The following PAPPA variants were observed in gnomAD, a reference collection of about 807,000 sequenced individuals.
PAPPA encodes pappalysin-1.
PAPPA carries 60 observed loss-of-function variants against 164.0 expected under a neutral mutation model. That is an observed-to-expected ratio of 0.37 (90% CI 0.30 to 0.45). The LOEUF (loss-of-function observed/expected upper bound fraction) is 0.45, where lower values mean the gene tolerates loss of function less well. Ranked by LOEUF, PAPPA falls within the 20% of genes least tolerant of loss-of-function variation. The pLI, the probability that PAPPA is intolerant of heterozygous loss-of-function variation, is 1.00. For missense variants in PAPPA, 1,782 were observed against 2,087.3 expected (o/e 0.85, Z 2.85); for synonymous variants, 875 against 814.1 (o/e 1.07, Z -1.27).
intron 10 of PAPPA, among the ~76,000 whole-genome samples, chr9:116,321,219 G>A (rs190633311): frequency 6.6e-6 from 1 of 151,904 alleles, no homozygotes; most frequent in African/African-American, 2.4e-5. Context: ...AGTAGAGACA[G>A]GGTTTCACCG....
chr9:116,302,924 A>C lies in PAPPA; in HGVS notation c.3121A>C (p.Ile1041Leu). Reference protein sequence around the residue: ...HQDQQCPGWVIIGQPAASQVC... With the variant: ...HQDQQCPGWVLIGQPAASQVC... ...AGACCAGCAATGCCCAGGCTGGGTCATCATCGGACAGCCAGCAGCATCCCA... is the reference window on the plus strand; with the variant it reads ...AGACCAGCAATGCCCAGGCTGGGTCCTCATCGGACAGCCAGCAGCATCCCA... The change falls in exon 10 of 22, where the codon ATC becomes CTC. Residue 1041 changes from isoleucine to leucine, a missense_variant. Ile to Leu is a conservative substitution (Grantham distance 5). Coordinates refer to ENST00000328252, the MANE Select transcript of PAPPA (RefSeq NM_002581.5). 1.2e-6 allele frequency: 2 copies of C among 1,613,916 alleles called. No homozygotes were observed. The highest frequency in any genetic ancestry group is 1.7e-6 in the Non-Finnish European group (2 of 1,179,980).
At chr9:116,261,887 G>GTGTTTTGTTT (rs71300680) in intron 7 of PAPPA, among the ~76,000 whole-genome samples, 24,111 of 150,964 alleles carry the variant, frequency 0.16, 2,189 homozygotes, top group Middle Eastern at 0.29. Context: ...GTAGAAAAAA[G>GTGTTTTGTTT]TGTTTTGTTT....
At chr9:116,175,127 A>T (rs888001156) in intron 1 of PAPPA, among the ~76,000 whole-genome samples, 1 of 152,192 alleles carries the variant, frequency 6.6e-6, no homozygotes, top group Non-Finnish European at 1.5e-5. Context: ...AAACCTAATG[A>T]CCACTGATGT....
At chr9:116,361,362 T>C (rs1016685887) in intron 17 of PAPPA, among the ~76,000 whole-genome samples, 2 of 152,150 alleles carry the variant, frequency 1.3e-5, no homozygotes, top group Non-Finnish European at 2.9e-5. Context: ...TGATTCTCCA[T>C]TTCTGTTCGG....
In PAPPA at chr9:116,399,396, G is replaced by C. The variant is rs1250467934; in HGVS notation, c.*2780G>C. 6.6e-6 allele frequency: 1 copy of C among 152,610 alleles called. No individual in the cohort carries two copies. The highest frequency in any genetic ancestry group is 1.5e-5 in the Non-Finnish European group (1 of 68,044). 9.5% of individuals were successfully genotyped at this position (152,610 alleles called of 1,614,324 possible). A position where few individuals can be genotyped will look rare whatever the true frequency, so the allele number is the denominator to read the frequency against. The stretch of plus-strand genomic sequence containing the variant: ...AGGGTCTTTTCAAACCTTAGTGGAG[G>C]AGGGTCAGCTCAATTTGGGCAATGC... On this transcript the variant is annotated 3_prime_UTR_variant, in exon 22 of 22. Coordinates refer to ENST00000328252, the MANE Select transcript of PAPPA (RefSeq NM_002581.5).
intron 9 of PAPPA, among the ~76,000 whole-genome samples, chr9:116,289,271 C>CT (rs1845396277): frequency 8.4e-6 from 1 of 119,248 alleles, no homozygotes; most frequent in Non-Finnish European, 1.7e-5. Flanking sequence ...ATATATATAG[C>CT]ATATATATAG....
intron 9 of PAPPA, chr9:116,286,614 G>C (rs1344364542): frequency 6.6e-6 from 1 of 152,068 alleles, no homozygotes; most frequent in Non-Finnish European, 1.5e-5. Context: ...TGGGCCCAGC[G>C]TGTTCAATCA....
intron 7 of PAPPA, among the ~76,000 whole-genome samples, chr9:116,242,402 A>G (rs982291360): frequency 2.0e-5 from 3 of 152,360 alleles, no homozygotes; most frequent in Middle Eastern, 3.4e-3. Flanking sequence ...AGCATACTGC[A>G]TGTCAGAAGG....
intron 21 of PAPPA, among the ~76,000 whole-genome samples, chr9:116,384,524 A>C (rs1486352734): frequency 1.3e-5 from 2 of 152,158 alleles, no homozygotes; most frequent in African/African-American, 4.8e-5. Flanking sequence ...GTTGTTTATT[A>C]TATGGCTGTG....
At chr9:116,352,431 T>C (rs1488459631) in intron 15 of PAPPA, among the ~76,000 whole-genome samples, 1 of 152,206 alleles carries the variant, frequency 6.6e-6, no homozygotes, top group African/African-American at 2.4e-5. Context: ...GTGTCTTTTC[T>C]ATGCAGCAGA....
intron 2 of PAPPA, among the ~76,000 whole-genome samples, chr9:116,200,373 G>A (rs1844158160): frequency 6.6e-6 from 1 of 152,146 alleles, no homozygotes. Context: ...ATAACAGGAA[G>A]TAAGAGACTA....
chr9:116,354,386 A>G (rs1846324858), intron 17 of PAPPA, among the ~76,000 whole-genome samples: 1 of 152,190 alleles, frequency 6.6e-6, no homozygotes, highest in African/African-American at 2.4e-5. Context: ...AAAGGAACAA[A>G]AGGCTGAAAA....
intron 9 of PAPPA, among the ~76,000 whole-genome samples, chr9:116,300,880 A>G (rs1294876683): frequency 6.6e-6 from 1 of 152,074 alleles, no homozygotes; most frequent in East Asian, 1.9e-4. Context: ...TGATTATTCT[A>G]GGATGTACAA....
rs566616756 is a variant in PAPPA at position 116,272,874 on chromosome 9, T to C, written c.2953+1458T>C. Among the ~76,000 whole-genome samples the C allele has an allele frequency of 1.3e-4, 20 of 152,234 alleles. No homozygotes were observed. In the East Asian group the frequency reaches 3.9e-3, roughly 29 times the overall value. The stretch of plus-strand genomic sequence containing the variant: ...AAAGCTGGCCAAGTGGCTTCCCTAG[T>C]CTTGGCCTCAGTTTACCTACTGTAA... On this transcript the variant is annotated intron_variant, in intron 9 of 21. Coordinates refer to ENST00000328252, the MANE Select transcript of PAPPA (RefSeq NM_002581.5).
Position 116,235,306 on chromosome 9 carries a change from A to G in PAPPA, c.2401A>G (p.Thr801Ala). The change falls in exon 7 of 22, where the codon ACC becomes GCC. Residue 801 changes from threonine to alanine, a missense_variant. Physicochemically the swap from Thr to Ala is moderately conservative, Grantham distance 58. Transcript: ENST00000328252. ...CCCTGAGTCTCTGACCATTTGGGTG[A>G]CCTTTGTCTCCACTGACTGGGACTC... Reference protein sequence around the residue: ...LVPESLTIWVTFVSTDWDSSG... With the variant: ...LVPESLTIWVAFVSTDWDSSG... 6.2e-7 allele frequency: 1 copy of G among 1,614,034 alleles called. No individual in the cohort carries two copies. Among genetic ancestry groups the G allele is most frequent in the East Asian group, 2.2e-5 (1 of 44,858 alleles).
chr9:116,191,322 A>T (rs1349324909), intron 2 of PAPPA, among the ~76,000 whole-genome samples: 2 of 152,198 alleles, frequency 1.3e-5, no homozygotes, highest in Non-Finnish European at 2.9e-5. Context: ...GTCAGTACTG[A>T]TAACCATGCA....
intron 13 of PAPPA, 98 bp from the exon 14 acceptor site, chr9:116,344,445 G>T: frequency 7.9e-7 from 1 of 1,263,282 alleles, no homozygotes. Context: ...CAAGCCCCCT[G>T]AAATCTTGGA....
At chr9:116,298,088 A>G (rs1408293239) in intron 9 of PAPPA, among the ~76,000 whole-genome samples, 2 of 152,236 alleles carry the variant, frequency 1.3e-5, no homozygotes, top group Non-Finnish European at 2.9e-5. Flanking sequence ...GCTTCAAGGT[A>G]AACTAATATC....
intron 10 of PAPPA, among the ~76,000 whole-genome samples, chr9:116,303,817 G>A (rs1402692240): frequency 6.6e-6 from 1 of 152,186 alleles, no homozygotes. Context: ...AGAAAGATAT[G>A]ACCTTCCTCT....
Sources: allele counts gnomAD v4.1 joint callset (sites outside exome capture counted in the v4.1 genomes callset), GRCh38; gene constraint gnomAD v4.1.1; transcripts MANE v1.5; gene names NCBI Gene and HGNC (gene_info 2026-07-23, HGNC 2026-07-21).